The following RSRC1 variants were observed in gnomAD, a reference collection of about 807,000 sequenced individuals.
RSRC1 encodes the protein arginine and serine rich coiled-coil 1, also known as serine/Arginine-related protein 53.
In RSRC1, 39 loss-of-function variants were observed where a neutral mutation model predicts 49.1. The observed-to-expected ratio is 0.79, with a 90% CI of 0.61 to 1.04. The LOEUF (loss-of-function observed/expected upper bound fraction) is 1.04, where lower values mean the gene tolerates loss of function less well. Ranked by LOEUF, RSRC1 falls within the 50% of genes least tolerant of loss-of-function variation. RSRC1 has a pLI of 0.00. For missense variants in RSRC1, 388 were observed against 402.4 expected (o/e 0.96, Z 0.31); for synonymous variants, 143 against 130.8 (o/e 1.09, Z -0.63).
intron 4 of RSRC1, among the ~76,000 whole-genome samples, chr3:158,203,877 A>C (rs970493162): frequency 4.6e-5 from 7 of 152,176 alleles, no homozygotes; most frequent in Admixed American, 2.6e-4. Flanking sequence ...CTTGAAATCC[A>C]CTCATAAGTG....
At chr3:158,476,916 A>G (rs561997169) in intron 7 of RSRC1, among the ~76,000 whole-genome samples, 108 of 152,246 alleles carry the variant, frequency 7.1e-4, no homozygotes, top group Middle Eastern at 6.8e-3. Context: ...AACATTTGTG[A>G]TTTATAGGAG....
At chr3:158,254,292 T>G (rs938986869) in intron 4 of RSRC1, among the ~76,000 whole-genome samples, 19 of 152,214 alleles carry the variant, frequency 1.2e-4, no homozygotes, top group African/African-American at 3.6e-4. Flanking sequence ...GTAATGGGAT[T>G]GCTGGGTCAA....
At chr3:158,513,204 G>A (rs1317634684) in intron 7 of RSRC1, among the ~76,000 whole-genome samples, 3 of 149,634 alleles carry the variant, frequency 2.0e-5, no homozygotes, top group South Asian at 2.2e-4. Context: ...AGTTTTCAAA[G>A]GGAATGCTTC....
At chr3:158,173,812 A>G (rs1010965280) in intron 3 of RSRC1, among the ~76,000 whole-genome samples, 1 of 151,996 alleles carries the variant, frequency 6.6e-6, no homozygotes, top group African/African-American at 2.4e-5. Context: ...TATGACATGA[A>G]TGGACTTGAA....
intron 1 of RSRC1, chr3:158,110,561 G>A (rs73023795): frequency 0.048 from 7,375 of 152,798 alleles, 627 homozygotes; most frequent in African/African-American, 0.17. Context: ...GGGTTTCCTG[G>A]CTCATCTTGC....
intron 6 of RSRC1, among the ~76,000 whole-genome samples, chr3:158,455,388 T>G (rs1260947344): frequency 6.6e-6 from 1 of 152,124 alleles, no homozygotes; most frequent in Non-Finnish European, 1.5e-5. Context: ...CCTGTCAGTA[T>G]TTTCCAATTC....
In RSRC1 at chr3:158,504,936, TC is replaced by T. The variant is rs1277275819; in HGVS notation, c.653-32155del. On this transcript the variant is annotated intron_variant, in intron 7 of 9. Transcript: ENST00000611884. ...TTCCTTTAGATCTGACGTTTGGCCT[TC>T]AAATTTTTATTAACTTGGACTGTTT... Among the ~76,000 whole-genome samples the T allele has an allele frequency of 2.0e-5, 3 of 152,232 alleles. No individual in the cohort carries two copies. In the East Asian group the frequency reaches 5.8e-4, roughly 29 times the overall value.
chr3:158,495,026 C>T (rs1417002993), intron 7 of RSRC1, among the ~76,000 whole-genome samples: 1 of 152,172 alleles, frequency 6.6e-6, no homozygotes, highest in African/African-American at 2.4e-5. Context: ...TTTTATAAGA[C>T]TGGCAGCGCT....
intron 5 of RSRC1, among the ~76,000 whole-genome samples, chr3:158,321,294 C>A (rs865803524): frequency 5.3e-5 from 8 of 150,966 alleles, no homozygotes; most frequent in Admixed American, 2.6e-4. Flanking sequence ...CCTCCTCCTC[C>A]TCCTCTTCTT....
chr3:158,455,306 T>G (rs1737250398), intron 6 of RSRC1, among the ~76,000 whole-genome samples: 1 of 152,116 alleles, frequency 6.6e-6, no homozygotes, highest in Non-Finnish European at 1.5e-5. Flanking sequence ...TGAGGGTTGT[T>G]AAAGCCCTGT....
At chr3:158,314,292 C>T (rs1431096512) in intron 5 of RSRC1, among the ~76,000 whole-genome samples, 1 of 152,092 alleles carries the variant, frequency 6.6e-6, no homozygotes, top group Non-Finnish European at 1.5e-5. Context: ...AGGGTTTCGC[C>T]ATGTTGGCCA....
At chr3:158,193,565 T>C (rs1720364851) in intron 3 of RSRC1, among the ~76,000 whole-genome samples, 1 of 152,110 alleles carries the variant, frequency 6.6e-6, no homozygotes, top group Non-Finnish European at 1.5e-5. Context: ...AACCCGTATG[T>C]CTATATGCAT....
In RSRC1 at chr3:158,226,697, T is replaced by C. The variant is rs907781413; in HGVS notation, c.494+23452T>C. Among the ~76,000 whole-genome samples the C allele has an allele frequency of 4.6e-5, 7 of 152,054 alleles. No individual in the cohort carries two copies. In the South Asian group the frequency reaches 1.2e-3, roughly 27 times the overall value. Reference sequence around the variant, plus strand: ...GGGTGTGCAGTTCTGAGTCCCAGGCTTATTTTCCTCTACAAGTTTTTATTG... The same window carrying C: ...GGGTGTGCAGTTCTGAGTCCCAGGCCTATTTTCCTCTACAAGTTTTTATTG... On this transcript the variant is annotated intron_variant, in intron 4 of 9. Transcript: ENST00000611884.
At chr3:158,146,809 C>T (rs2108205508) in intron 3 of RSRC1, among the ~76,000 whole-genome samples, 1 of 152,224 alleles carries the variant, frequency 6.6e-6, no homozygotes, top group South Asian at 2.1e-4. Flanking sequence ...ATTTCAGAGC[C>T]TGTTATTGGT....
At chr3:158,307,678 G>C (rs1727912861) in intron 5 of RSRC1, among the ~76,000 whole-genome samples, 1 of 151,802 alleles carries the variant, frequency 6.6e-6, no homozygotes, top group African/African-American at 2.4e-5. Context: ...AAACTTTCAA[G>C]CAATGTAATT....
chr3:158,308,253 G>T (rs931734820), intron 5 of RSRC1, among the ~76,000 whole-genome samples: 1 of 151,894 alleles, frequency 6.6e-6, no homozygotes, highest in African/African-American at 2.4e-5. Flanking sequence ...TTGCACCAGT[G>T]GTTTGTACGC....
chr3:158,211,009 T>A (rs1721643012), intron 4 of RSRC1, among the ~76,000 whole-genome samples: 1 of 152,036 alleles, frequency 6.6e-6, no homozygotes, highest in Non-Finnish European at 1.5e-5. Context: ...AATTTCCTTT[T>A]TCATTCCACA....
intron 6 of RSRC1, among the ~76,000 whole-genome samples, chr3:158,379,893 C>T (rs1311377226): frequency 1.3e-5 from 2 of 151,504 alleles, no homozygotes; most frequent in Non-Finnish European, 2.9e-5. Flanking sequence ...ACCACTGTTT[C>T]CATCTCTAGT....
In RSRC1 at chr3:158,122,201, A is replaced by G. The variant is rs1373060073; in HGVS notation, c.97A>G (p.Arg33Gly). The G allele has an allele frequency of 1.6e-5, 26 of 1,609,194 alleles. No individual in the cohort carries two copies. The highest frequency in any genetic ancestry group is 3.4e-5 in the Admixed American group (2 of 59,612). Residue 33 changes from arginine to glycine, a missense_variant, in exon 2 of 10, where the codon AGA becomes GGA. By Grantham distance (125) the Arg-to-Gly change is moderately radical. Coordinates refer to ENST00000611884, the MANE Select transcript of RSRC1 (RefSeq NM_001271838.2). ...CTCCTCGAGCAGTTCTTCAGATAGT[A>G]GAACATACAGCCGAAAGAAAGGAGG... The part of the protein sequence containing the change: ...RSSSSSSSDS[R>G]TYSRKKGGRK...
Sources: allele counts gnomAD v4.1 joint callset (sites outside exome capture counted in the v4.1 genomes callset), GRCh38; gene constraint gnomAD v4.1.1; transcripts MANE v1.5; gene names NCBI Gene and HGNC (gene_info 2026-07-23, HGNC 2026-07-21).